Variants in GRM7 observed in about 807,000 individuals in gnomAD.
The protein encoded by GRM7 is metabotropic glutamate receptor 7.
GRM7 carries 35 observed loss-of-function variants against 84.5 expected under a neutral mutation model. That is an observed-to-expected ratio of 0.41 (90% CI 0.32 to 0.55). The LOEUF is 0.55. Among genes scored for constraint, GRM7 ranks in the 20% least tolerant of loss-of-function variants. The probability of loss-of-function intolerance (pLI) is 0.19; values close to 1 mark genes in which losing one functional copy is unlikely to be tolerated. For synonymous variants in GRM7, 487 were observed against 455.1 expected, an observed-to-expected ratio of 1.07 and a Z score of -0.89; for missense variants, 1,003 against 1,194.6, an observed-to-expected ratio of 0.84 and a Z score of 2.36.
chr3:7,707,590 A>C (rs981907457), intron 9 of GRM7, among the ~76,000 whole-genome samples: 2 of 152,194 alleles, frequency 1.3e-5, no homozygotes, highest in Non-Finnish European at 2.9e-5. Context: ...TTTTTTAATA[A>C]TTAAACCATT....
intron 1 of GRM7, among the ~76,000 whole-genome samples, chr3:6,915,550 A>G (rs1696913648): frequency 6.6e-6 from 1 of 152,236 alleles, no homozygotes; most frequent in African/African-American, 2.4e-5. Context: ...TTTAACAAAA[A>G]TCGCTTGGTT....
intron 4 of GRM7, among the ~76,000 whole-genome samples, chr3:7,330,351 T>C (rs1701155326): frequency 6.6e-6 from 1 of 152,120 alleles, no homozygotes; most frequent in South Asian, 2.1e-4. Context: ...CTGTGTTGAT[T>C]TACAGGGACT....
At chr3:7,587,701 T>G (rs1038087917) in intron 8 of GRM7, among the ~76,000 whole-genome samples, 2 of 152,206 alleles carry the variant, frequency 1.3e-5, no homozygotes, top group African/African-American at 4.8e-5. Context: ...GCATGACAGT[T>G]AAGACGTGAA....
intron 2 of GRM7, among the ~76,000 whole-genome samples, chr3:7,166,025 C>G (rs1694787360): frequency 6.6e-6 from 1 of 152,056 alleles, no homozygotes; most frequent in South Asian, 2.1e-4. Flanking sequence ...CTTTATCTTA[C>G]TATTACTTAT....
At chr3:7,665,480 C>T (rs892697356) in intron 8 of GRM7, among the ~76,000 whole-genome samples, 3 of 152,078 alleles carry the variant, frequency 2.0e-5, no homozygotes, top group African/African-American at 7.2e-5. Flanking sequence ...CGGCCTTGCC[C>T]ATGATTCTTA....
At chr3:7,363,704 A>G (rs1192045365) in intron 4 of GRM7, among the ~76,000 whole-genome samples, 2 of 152,110 alleles carry the variant, frequency 1.3e-5, no homozygotes, top group African/African-American at 2.4e-5. Context: ...ACCTTCACCA[A>G]TATGAGCATC....
chr3:7,472,676 C>T (rs1358446419), intron 7 of GRM7, among the ~76,000 whole-genome samples: 1 of 152,204 alleles, frequency 6.6e-6, no homozygotes, highest in African/African-American at 2.4e-5. Context: ...GATGAGGCAA[C>T]AAACTCACCA....
chr3:7,153,819 C>CA (rs5846492), intron 2 of GRM7, among the ~76,000 whole-genome samples: 25 of 149,632 alleles, frequency 1.7e-4, no homozygotes, highest in East Asian at 1.4e-3. Context: ...AACAATAGGA[C>CA]AAAAAAAAAC....
intron 4 of GRM7, among the ~76,000 whole-genome samples, chr3:7,375,881 T>C (rs2125123232): frequency 6.6e-6 from 1 of 152,294 alleles, no homozygotes; most frequent in African/African-American, 2.4e-5. Context: ...GCTCTTTTAC[T>C]GAACACATGC....
At chr3:7,721,661 C>T (rs1457773113) in intron 9 of GRM7, among the ~76,000 whole-genome samples, 1 of 152,176 alleles carries the variant, frequency 6.6e-6, no homozygotes. Context: ...AATAAATGCT[C>T]ATTTATAGTC....
At chr3:6,961,911 A>C (rs187076270) in intron 1 of GRM7, among the ~76,000 whole-genome samples, 1 of 151,940 alleles carries the variant, frequency 6.6e-6, no homozygotes, top group East Asian at 1.9e-4. Context: ...ATCCCATCTA[A>C]AAAAAAATAA....
At position 7,677,262 on chromosome 3, in the gene GRM7, TAAAAAAAAAAAAA is replaced by T. The variant is rs557488794; in HGVS notation, c.2452-2767_2452-2755del. Among the ~76,000 whole-genome samples the T allele has an allele frequency of 8.1e-5, 3 of 36,980 alleles. No individual in the cohort carries two copies. The South Asian group carries it at 2.5e-3, about 31-fold the overall frequency. 24.3% of individuals were successfully genotyped at this position (36,980 alleles called of 152,430 possible). Reference sequence around the variant, plus strand: ...GGGCAATAGAGGGAGACTCTGTCTTTAAAAAAAAAAAAAAAAAAAAAAAAAAAAAAAACTTACA... The same window carrying T: ...GGGCAATAGAGGGAGACTCTGTCTTTAAAAAAAAAAAAAAAAAAACTTACA... On this transcript the variant is annotated intron_variant, in intron 8 of 9. Coordinates refer to ENST00000357716, the MANE Select transcript of GRM7 (RefSeq NM_000844.4).
intron 1 of GRM7, among the ~76,000 whole-genome samples, chr3:7,134,926 T>C (rs1693723868): frequency 6.6e-6 from 1 of 151,598 alleles, no homozygotes. Flanking sequence ...CTATAACAAA[T>C]ATAACTTGCG....
At chr3:7,453,029 ATTT>A (rs60916756) in intron 6 of GRM7, among the ~76,000 whole-genome samples, 4 of 141,918 alleles carry the variant, frequency 2.8e-5, no homozygotes, top group Admixed American at 7.0e-5. Context: ...TGAAATAGAG[ATTT>A]TTTTTTTTTT....
intron 4 of GRM7, among the ~76,000 whole-genome samples, chr3:7,312,936 C>CTTTTTTTTTTTTTTTTT (rs372557190): frequency 1.6e-5 from 2 of 127,264 alleles, no homozygotes; most frequent in Non-Finnish European, 3.4e-5. Flanking sequence ...TTCTTTTTTT[C>CTTTTTTTTTTTTTTTTT]TTTTTTTTTT....
At chr3:7,288,211 G>C (rs1368910429) in intron 2 of GRM7, among the ~76,000 whole-genome samples, 1 of 152,112 alleles carries the variant, frequency 6.6e-6, no homozygotes, top group African/African-American at 2.4e-5. Context: ...CACTGGATGA[G>C]TTGGGGTAAA....
At chr3:7,381,468 C>A (rs1302789964) in intron 4 of GRM7, among the ~76,000 whole-genome samples, 2 of 152,020 alleles carry the variant, frequency 1.3e-5, no homozygotes, top group African/African-American at 4.8e-5. Context: ...GTTTATGGAT[C>A]ATTGGGGAGG....
chr3:7,157,363 T>C (rs1694486286), intron 2 of GRM7, among the ~76,000 whole-genome samples: 1 of 152,172 alleles, frequency 6.6e-6, no homozygotes, highest in South Asian at 2.1e-4. Context: ...TGAAATGTGA[T>C]AAAATAGATT....
intron 8 of GRM7, among the ~76,000 whole-genome samples, chr3:7,595,396 G>C (rs1420074127): frequency 6.6e-6 from 1 of 152,170 alleles, no homozygotes; most frequent in East Asian, 1.9e-4. Flanking sequence ...ACAAGGATCT[G>C]CTAGATACTT....
Sources: gnomAD v4.1 joint callset for allele counts (sites outside exome capture counted in the v4.1 genomes callset) on GRCh38, gnomAD v4.1.1 for gene constraint, MANE v1.5 for transcripts, NCBI Gene and HGNC (gene_info 2026-07-23, HGNC 2026-07-21) for gene names.